Variants in THSD7B observed in about 807,000 individuals in gnomAD.
THSD7B encodes thrombospondin type-1 domain-containing protein 7B.
THSD7B carries 138 observed loss-of-function variants against 213.6 expected under a neutral mutation model. The observed-to-expected ratio is 0.65, with a 90% CI of 0.56 to 0.74. THSD7B has a LOEUF of 0.74. Ranked by LOEUF, THSD7B falls within the 30% of genes least tolerant of loss-of-function variation. The probability of loss-of-function intolerance (pLI) is 0.00; values close to 1 mark genes in which losing one functional copy is unlikely to be tolerated. For missense variants in THSD7B, 1,931 were observed against 1,991.5 expected (o/e 0.97, Z 0.58); for synonymous variants, 742 against 687.0 (o/e 1.08, Z -1.25).
chr2:137,434,366 A>G (rs1687248475), intron 14 of THSD7B, among the ~76,000 whole-genome samples: 1 of 152,160 alleles, frequency 6.6e-6, no homozygotes, highest in Non-Finnish European at 1.5e-5. Flanking sequence ...CCTGATGCCC[A>G]TTTCTTCTTT....
chr2:137,284,335 CT>C (rs1263233127), intron 12 of THSD7B, among the ~76,000 whole-genome samples: 3 of 152,064 alleles, frequency 2.0e-5, no homozygotes, highest in Admixed American at 6.5e-5. Context: ...TTTTGTTGAT[CT>C]TTTCAAAAAT....
rs536821091 is a variant in THSD7B, at chr2:136,911,360, G to C, written c.139+29043G>C. Among the ~76,000 whole-genome samples, 17 of 152,226 alleles carry C rather than the reference G, an allele frequency of 1.1e-4. No individual in the cohort carries two copies. The South Asian group carries it at 3.5e-3, about 32-fold the overall frequency. On this transcript the variant is annotated intron_variant, in intron 2 of 27. Transcript: ENST00000409968. ...TGTGTTTAACAAAATTGGTAAAATT[G>C]CTTTCACTGTTTCTTTCTAATAAAA...
At chr2:137,298,550 GTCAGCCCCTCCCA>G (rs1683521385) in intron 12 of THSD7B, among the ~76,000 whole-genome samples, 1 of 152,156 alleles carries the variant, frequency 6.6e-6, no homozygotes, top group African/African-American at 2.4e-5. Context: ...GACTTTTCAT[GTCAGCCCCTCCCA>G]TCACAGGGCC....
At chr2:136,768,823 A>G (rs1681454944) in intron 1 of THSD7B, among the ~76,000 whole-genome samples, 2 of 152,240 alleles carry the variant, frequency 1.3e-5, no homozygotes, top group South Asian at 2.1e-4. Flanking sequence ...ATATAACTAT[A>G]AAAGAAGCTG....
Position 137,412,326 on chromosome 2 carries a change from C to A in THSD7B, c.2959+454C>A, listed in dbSNP as rs910457168. On this transcript the variant is annotated intron_variant, in intron 14 of 27. Transcript: ENST00000409968. ...AAAGTTTTACCGTATAAAGGCCAGGCGCGGTGGCTCACGCCTGTAATCCCA... is the reference window on the plus strand; with the variant it reads ...AAAGTTTTACCGTATAAAGGCCAGGAGCGGTGGCTCACGCCTGTAATCCCA... 2.0e-5 allele frequency among the ~76,000 whole-genome samples: 3 copies of A among 151,774 alleles called. No individual in the cohort carries two copies. The East Asian group carries it at 5.8e-4, about 29-fold the overall frequency.
chr2:136,871,217 G>T (rs1366705595), intron 1 of THSD7B, among the ~76,000 whole-genome samples: 1 of 152,160 alleles, frequency 6.6e-6, no homozygotes, highest in Admixed American at 6.5e-5. Flanking sequence ...CAGATGTTCA[G>T]TGGTAAGGTG....
chr2:137,556,250 CA>C (rs1361400061), intron 15 of THSD7B, among the ~76,000 whole-genome samples: 6 of 152,050 alleles, frequency 3.9e-5, no homozygotes, highest in African/African-American at 1.2e-4. Flanking sequence ...TCAGATTCAC[CA>C]AAGTTGAAAT....
intron 12 of THSD7B, among the ~76,000 whole-genome samples, chr2:137,281,445 A>T (rs1440429557): frequency 6.6e-6 from 1 of 151,856 alleles, no homozygotes; most frequent in Non-Finnish European, 1.5e-5. Context: ...TTTAGGGTAC[A>T]TGTGCACAAC....
intron 2 of THSD7B, among the ~76,000 whole-genome samples, chr2:136,935,454 A>G (rs1684705851): frequency 6.6e-6 from 1 of 152,140 alleles, no homozygotes; most frequent in South Asian, 2.1e-4. Flanking sequence ...TGTCATTTTT[A>G]TTCTCCATGA....
chr2:137,626,398 A>T (rs1425341673), intron 20 of THSD7B, among the ~76,000 whole-genome samples: 1 of 148,410 alleles, frequency 6.7e-6, no homozygotes, highest in Non-Finnish European at 1.5e-5. Flanking sequence ...CCGGAGGCGG[A>T]GCTTGCAGTG....
intron 2 of THSD7B, among the ~76,000 whole-genome samples, chr2:136,979,569 G>A (rs1489338853): frequency 2.6e-5 from 4 of 151,914 alleles, no homozygotes; most frequent in Non-Finnish European, 5.9e-5. Context: ...GATCTATTTG[G>A]TTACTGATAC....
At chr2:137,243,705 T>C (rs1681964100) in intron 10 of THSD7B, among the ~76,000 whole-genome samples, 1 of 152,204 alleles carries the variant, frequency 6.6e-6, no homozygotes, top group Admixed American at 6.5e-5. Flanking sequence ...GATCTGATGG[T>C]CATTCAAACA....
intron 2 of THSD7B, among the ~76,000 whole-genome samples, chr2:136,989,917 C>T (rs1040089477): frequency 5.3e-5 from 8 of 152,230 alleles, no homozygotes; most frequent in Admixed American, 5.2e-4. Flanking sequence ...GGTCATACAG[C>T]ATTCTAATGG....
At chr2:136,957,966 T>C (rs962453747) in intron 2 of THSD7B, among the ~76,000 whole-genome samples, 1 of 152,202 alleles carries the variant, frequency 6.6e-6, no homozygotes, top group Non-Finnish European at 1.5e-5. Flanking sequence ...GTTATTTGTA[T>C]GTAGCAAGAT....
chr2:137,519,034 T>A (rs557259100), intron 15 of THSD7B, among the ~76,000 whole-genome samples: 1 of 152,170 alleles, frequency 6.6e-6, no homozygotes, highest in African/African-American at 2.4e-5. Context: ...GATCACGAGG[T>A]CAGGAGTTCA....
chr2:137,109,536 C>A (rs1218637457), intron 4 of THSD7B, among the ~76,000 whole-genome samples: 3 of 152,156 alleles, frequency 2.0e-5, no homozygotes, highest in Non-Finnish European at 4.4e-5. Flanking sequence ...TTTCCTGCAA[C>A]TAGACAGTCC....
At chr2:137,037,242 A>G (rs1686794824) in intron 2 of THSD7B, among the ~76,000 whole-genome samples, 1 of 152,142 alleles carries the variant, frequency 6.6e-6, no homozygotes, top group Non-Finnish European at 1.5e-5. Flanking sequence ...CCTGAATTGA[A>G]TTAAGTTTAC....
At chr2:137,300,219 C>T (rs1306344765) in intron 12 of THSD7B, among the ~76,000 whole-genome samples, 1 of 152,118 alleles carries the variant, frequency 6.6e-6, no homozygotes, top group African/African-American at 2.4e-5. Flanking sequence ...TTGCCCTCTG[C>T]AAGTTTCTTA....
chr2:137,269,048 C>A (rs1235064823), intron 10 of THSD7B, among the ~76,000 whole-genome samples: 1 of 152,152 alleles, frequency 6.6e-6, no homozygotes, highest in Admixed American at 6.5e-5. Flanking sequence ...CACACACATA[C>A]ACACACAAAC....
Sources: gnomAD v4.1 joint callset for allele counts (sites outside exome capture counted in the v4.1 genomes callset) on GRCh38, gnomAD v4.1.1 for gene constraint, MANE v1.5 for transcripts, NCBI Gene and HGNC (gene_info 2026-07-23, HGNC 2026-07-21) for gene names.